Variants in EYS observed in about 807,000 individuals in gnomAD.
The protein encoded by EYS is EGF-like photoreceptor maintenance factor, also known as protein eyes shut homolog.
EYS carries 250 observed loss-of-function variants against 282.1 expected under a neutral mutation model. The ratio of observed to expected loss-of-function variants is 0.89; its 90% confidence interval spans 0.80 to 0.98. EYS has a LOEUF of 0.98. Ranked by LOEUF, EYS falls within the 50% of genes least tolerant of loss-of-function variation. The pLI is 0.00. For missense variants in EYS, 4,016 were observed against 3,709.0 expected (o/e 1.08, Z -2.15); for synonymous variants, 1,355 against 1,282.9 (o/e 1.06, Z -1.20).
intron 13 of EYS, among the ~76,000 whole-genome samples, chr6:65,051,532 TC>T (rs1773268106): frequency 3.3e-5 from 5 of 151,632 alleles, no homozygotes; most frequent in Non-Finnish European, 7.4e-5. Flanking sequence ...ATGTATTACC[TC>T]ACACACATTT....
At position 64,840,647 on chromosome 6, in the gene EYS, A is replaced by G. The variant is rs577724915; in HGVS notation, c.2993-17825T>C. 4.6e-5 allele frequency among the ~76,000 whole-genome samples: 7 copies of G among 152,260 alleles called. No individual in the cohort carries two copies. In the South Asian group the frequency reaches 1.2e-3, roughly 27 times the overall value. ...CTCGTTGAGAACTAAAGGTAAATCC[A>G]TGGGGTATAGAATCATAAAGCCACT... On this transcript the variant is annotated intron_variant, in intron 19 of 42. Transcript: ENST00000503581.
chr6:64,363,921 T>C (rs139360245), intron 29 of EYS, among the ~76,000 whole-genome samples: 3 of 152,044 alleles, frequency 2.0e-5, no homozygotes, highest in Non-Finnish European at 4.4e-5. Context: ...TTCTAAGATG[T>C]ATATTTATAC....
chr6:64,655,647 A>G (rs920032965), intron 22 of EYS, among the ~76,000 whole-genome samples: 7 of 152,064 alleles, frequency 4.6e-5, no homozygotes, highest in Non-Finnish European at 1.0e-4. Context: ...TGCATTACAT[A>G]ACCTGTTCTG....
At chr6:65,159,693 C>A (rs956561743) in intron 12 of EYS, among the ~76,000 whole-genome samples, 12 of 150,788 alleles carry the variant, frequency 8.0e-5, no homozygotes, top group Admixed American at 6.0e-4. Flanking sequence ...CACTTAACAA[C>A]TCTCCATCTA....
At chr6:64,038,617 T>G (rs1770236829) in intron 33 of EYS, among the ~76,000 whole-genome samples, 1 of 151,976 alleles carries the variant, frequency 6.6e-6, no homozygotes, top group Non-Finnish European at 1.5e-5. Context: ...TAAAATGTTT[T>G]ATAAAATTAA....
chr6:64,550,717 G>T (rs567042504), intron 26 of EYS, among the ~76,000 whole-genome samples: 3 of 152,024 alleles, frequency 2.0e-5, no homozygotes, highest in Non-Finnish European at 2.9e-5. Context: ...AAACCCCATC[G>T]TCTCAGCCCA....
chr6:65,454,213 A>C (rs1764519948), intron 5 of EYS, among the ~76,000 whole-genome samples: 1 of 151,638 alleles, frequency 6.6e-6, no homozygotes, highest in Admixed American at 6.6e-5. Flanking sequence ...AACCATTCTA[A>C]CTAGAGTAAA....
intron 8 of EYS, among the ~76,000 whole-genome samples, chr6:65,364,446 A>C (rs184333970): frequency 6.6e-6 from 1 of 151,426 alleles, no homozygotes; most frequent in Non-Finnish European, 1.5e-5. Context: ...AGTTGAAAAA[A>C]ATTTTTTCAA....
chr6:64,288,489 T>A (rs1468799484), intron 30 of EYS, among the ~76,000 whole-genome samples: 4 of 152,116 alleles, frequency 2.6e-5, no homozygotes, highest in African/African-American at 4.8e-5. Context: ...ATTCTTTTTC[T>A]TTCTTTGCTT....
intron 28 of EYS, among the ~76,000 whole-genome samples, chr6:64,394,557 C>T (rs1170974975): frequency 6.6e-6 from 1 of 151,976 alleles, no homozygotes; most frequent in Non-Finnish European, 1.5e-5. Context: ...ATAAATGGTG[C>T]TGGGAAAACT....
In EYS at chr6:64,230,502, A is replaced by G; in HGVS notation, c.6424+90T>C. On this transcript the variant is annotated intron_variant, in intron 31 of 42. Coordinates refer to ENST00000503581, the MANE Select transcript of EYS (RefSeq NM_001142800.2). ...CTGTTTCTTGTTTGTGCTAGTACCC[A>G]TCACTAAGTTTACAATACATTTCAA... is the stretch of plus-strand genomic sequence containing the variant. 5 of 813,190 alleles carry G rather than the reference A, an allele frequency of 6.1e-6. 1 individual carries two copies. The highest frequency in any genetic ancestry group is 9.8e-6 in the Non-Finnish European group (5 of 508,744). The allele number at this position is 813,190 out of a possible 1,614,324, so 50.4% of individuals were successfully genotyped here. A position where few individuals can be genotyped will look rare whatever the true frequency, so the allele number is the denominator to read the frequency against.
At chr6:64,023,886 C>A (rs1769330588) in intron 33 of EYS, among the ~76,000 whole-genome samples, 2 of 152,224 alleles carry the variant, frequency 1.3e-5, no homozygotes, top group African/African-American at 4.8e-5. Flanking sequence ...CCGGCCGGCC[C>A]CGCCAGCCCA....
At chr6:64,589,112 G>T (rs898772403) in intron 26 of EYS, among the ~76,000 whole-genome samples, 1 of 152,030 alleles carries the variant, frequency 6.6e-6, no homozygotes, top group African/African-American at 2.4e-5. Flanking sequence ...GGCATTGTAT[G>T]TGAGTTATAA....
intron 29 of EYS, among the ~76,000 whole-genome samples, chr6:64,375,934 G>T (rs1360315376): frequency 6.6e-6 from 1 of 151,996 alleles, no homozygotes; most frequent in Admixed American, 6.6e-5. Context: ...TTTTACCAGT[G>T]AGCCTAATGC....
chr6:64,415,800 A>G (rs1774043412), intron 28 of EYS, among the ~76,000 whole-genome samples: 1 of 152,188 alleles, frequency 6.6e-6, no homozygotes. Flanking sequence ...GCATCTCGTA[A>G]GGAAATGCTC....
chr6:64,131,131 T>C (rs896762908), intron 31 of EYS, among the ~76,000 whole-genome samples: 2 of 152,086 alleles, frequency 1.3e-5, no homozygotes, highest in African/African-American at 4.8e-5. Context: ...CCTCCCAAAG[T>C]GCTGGGATTA....
At chr6:65,373,792 T>C (rs1046048542) in intron 8 of EYS, among the ~76,000 whole-genome samples, 2 of 152,128 alleles carry the variant, frequency 1.3e-5, no homozygotes, top group Admixed American at 1.3e-4. Flanking sequence ...TAATGAACAT[T>C]TTATATGCAT....
intron 28 of EYS, among the ~76,000 whole-genome samples, chr6:64,428,241 T>C (rs1051744805): frequency 6.6e-6 from 1 of 152,178 alleles, no homozygotes; most frequent in African/African-American, 2.4e-5. Context: ...TAATATAACC[T>C]TGTTTTATTT....
chr6:64,408,033 A>G (rs908835872), intron 28 of EYS, among the ~76,000 whole-genome samples: 1 of 152,062 alleles, frequency 6.6e-6, no homozygotes, highest in African/African-American at 2.4e-5. Flanking sequence ...AGCCGCACAC[A>G]TTATTTTTTT....
Sources: gnomAD v4.1 joint callset for allele counts (sites outside exome capture counted in the v4.1 genomes callset) on GRCh38, gnomAD v4.1.1 for gene constraint, MANE v1.5 for transcripts, NCBI Gene and HGNC (gene_info 2026-07-23, HGNC 2026-07-21) for gene names.